Variants in ENTPD6 observed in about 807,000 individuals in gnomAD.
The protein encoded by ENTPD6 is CD39 antigen-like 2.
In ENTPD6, 46 loss-of-function variants were observed where a neutral mutation model predicts 61.5. The ratio of observed to expected loss-of-function variants is 0.75; its 90% CI spans 0.59 to 0.96. The LOEUF (loss-of-function observed/expected upper bound fraction) is 0.96, where lower values mean the gene tolerates loss of function less well. Among genes scored for constraint, ENTPD6 ranks in the 40% least tolerant of loss-of-function variants. The probability of loss-of-function intolerance (pLI) is 0.00; values close to 1 mark genes in which losing one functional copy is unlikely to be tolerated. For synonymous variants in ENTPD6, 252 were observed against 255.5 expected (o/e 0.99, Z 0.13); for missense variants, 612 against 629.0 (o/e 0.97, Z 0.29).
At chr20:25,209,048 C>T (rs2091742538) in intron 3 of ENTPD6, among the ~76,000 whole-genome samples, 1 of 151,764 alleles carries the variant, frequency 6.6e-6, no homozygotes, top group South Asian at 2.1e-4. Flanking sequence ...TCCTGAGTAG[C>T]TGGGACTACA....
chr20:25,206,958 G>T (rs1568611351), intron 2 of ENTPD6, 118 bp from the exon 3 acceptor site: 1 of 871,182 alleles, frequency 1.1e-6, no homozygotes, highest in East Asian at 2.5e-5. Flanking sequence ...CTGATTCCTG[G>T]GGGGAACACG....
At position 25,207,118 on chromosome 20, in the gene ENTPD6, T is replaced by C; in HGVS notation, c.97T>C (p.Ser33Pro). 6.2e-7 allele frequency: 1 copy of C among 1,613,480 alleles called. No homozygotes were observed. Among genetic ancestry groups the C allele is most frequent in the Non-Finnish European group, 8.5e-7 (1 of 1,179,606 alleles). The change falls in exon 3 of 15, where the codon TCC (serine) becomes CCC (proline). Residue 33 changes from serine (S) to proline (P), a missense_variant. Coordinates refer to ENST00000376652, the MANE Select transcript of ENTPD6 (RefSeq NM_001247.5). ...TTGGCAAACAAGGATGAGAAAAATA[T>C]CCAACCACGGGAGCCTGCGGGTGGC... ...GPWQTRMRKI[S>P]NHGSLRVAKV... is the part of the protein sequence containing the mutation.
intron 5 of ENTPD6, 110 bp downstream of exon 5, chr20:25,213,516 T>C: frequency 8.3e-7 from 1 of 1,201,368 alleles, no homozygotes; most frequent in South Asian, 1.6e-5. Context: ...CACAGATGCT[T>C]CTGAAGAAAA....
chr20:25,222,080 G>A (rs2092653183), intron 11 of ENTPD6: 1 of 153,398 alleles, frequency 6.5e-6, no homozygotes, highest in Non-Finnish European at 1.4e-5. Flanking sequence ...AAGACAGGAG[G>A]AGGTTTCAAG....
At chr20:25,222,682 G>A in intron 11 of ENTPD6, 156 bp from the exon 12 acceptor site, 1 of 936,524 alleles carries the variant, frequency 1.1e-6, no homozygotes, top group Non-Finnish European at 1.6e-6. Context: ...TGTGCGGGGA[G>A]CAGCCCCAAC....
chr20:25,206,641 C>G (rs551998495), intron 2 of ENTPD6, 51 bp downstream of exon 2: 1 of 1,348,350 alleles, frequency 7.4e-7, no homozygotes, highest in African/African-American at 1.4e-5. Context: ...TTAAACCTTT[C>G]GAAAAGTAAA....
chr20:25,215,382 G>C (rs1213922632), intron 6 of ENTPD6, among the ~76,000 whole-genome samples: 1 of 152,184 alleles, frequency 6.6e-6, no homozygotes, highest in Non-Finnish European at 1.5e-5. Context: ...GGGGAGCACT[G>C]GGTTCTTTTT....
intron 1 of ENTPD6, among the ~76,000 whole-genome samples, chr20:25,201,280 C>T (rs1043267597): frequency 6.6e-6 from 1 of 152,118 alleles, no homozygotes; most frequent in South Asian, 2.1e-4. Flanking sequence ...TCTGTAGTGT[C>T]GTTTGAGTCC....
chr20:25,210,130 T>A (rs1255769017), intron 4 of ENTPD6, among the ~76,000 whole-genome samples: 1 of 152,170 alleles, frequency 6.6e-6, no homozygotes, highest in Non-Finnish European at 1.5e-5. Context: ...CCCGGCCCCA[T>A]CCTCTGACTC....
chr20:25,206,043 A>G (rs564950361), intron 1 of ENTPD6, among the ~76,000 whole-genome samples: 9 of 152,348 alleles, frequency 5.9e-5, no homozygotes, highest in African/African-American at 2.2e-4. Flanking sequence ...TAAAGCCCGC[A>G]TGTGGCACGT....
chr20:25,196,141 T>C, intron 1 of ENTPD6: 1 of 1,219,326 alleles, frequency 8.2e-7, no homozygotes, highest in Non-Finnish European at 1.0e-6. Context: ...CCCTGCTGCG[T>C]TCATTCATTC....
chr20:25,211,734 C>G lies in ENTPD6; in HGVS notation c.454-1529C>G, dbSNP rs2091973903. Among the ~76,000 whole-genome samples, 3 of 152,212 alleles carry G rather than the reference C, an allele frequency of 2.0e-5. No homozygotes were observed. In the South Asian group the frequency reaches 6.2e-4, roughly 32 times the overall value. The stretch of plus-strand genomic sequence containing the variant: ...TTTAGATAATGTCCAATCTTTCTCT[C>G]TTGACAGTAGAAAAAGGCTGCACCT... On this transcript the variant is annotated intron_variant, in intron 4 of 14. Coordinates refer to ENST00000376652, the MANE Select transcript of ENTPD6 (RefSeq NM_001247.5).
chr20:25,214,640 A>T (rs1366237697), intron 5 of ENTPD6: 1 of 525,432 alleles, frequency 1.9e-6, no homozygotes, highest in East Asian at 3.4e-5. Flanking sequence ...GGGTTTCGTT[A>T]CTGCCTGCCA....
chr20:25,216,616 C>T (rs1159001425), intron 7 of ENTPD6, 32 bp from the exon 8 acceptor site: 5 of 1,531,142 alleles, frequency 3.3e-6, no homozygotes, highest in Admixed American at 1.9e-5. Context: ...CTTACTAATG[C>T]CCCTGTGCTG....
At chr20:25,215,769 A>G (rs2092278189) in intron 7 of ENTPD6, 58 bp downstream of exon 7, 2 of 1,563,284 alleles carry the variant, frequency 1.3e-6, no homozygotes, top group African/African-American at 2.7e-5. Flanking sequence ...GGAGGGCTCG[A>G]CTGGGCCTTT....
At chr20:25,206,245 G>T (rs1415149332) in intron 1 of ENTPD6, among the ~76,000 whole-genome samples, 1 of 152,196 alleles carries the variant, frequency 6.6e-6, no homozygotes, top group Non-Finnish European at 1.5e-5. Context: ...CCTAGGAGTG[G>T]CCACTCACCA....
At chr20:25,208,106 T>TC (rs1454536149) in intron 3 of ENTPD6, among the ~76,000 whole-genome samples, 2 of 152,204 alleles carry the variant, frequency 1.3e-5, no homozygotes, top group African/African-American at 4.8e-5. Flanking sequence ...CCCCTGGGTG[T>TC]CCCATGCTCT....
In ENTPD6 at chr20:25,195,819, C is replaced by T. The variant is rs1012956447; in HGVS notation, c.-64C>T. ...AAAAGACCGGCTGCCGCCTGCTCCC[C>T]GGAAAAGGGCACTCGTCTCCGTGGG... On this transcript the variant is annotated 5_prime_UTR_variant, in exon 1 of 15. Coordinates refer to ENST00000376652, the MANE Select transcript of ENTPD6 (RefSeq NM_001247.5). 3 of 1,240,110 alleles carry T rather than the reference C, an allele frequency of 2.4e-6. No individual in the cohort carries two copies. The highest frequency in any genetic ancestry group is 3.2e-5 in the East Asian group (1 of 31,732). 76.8% of individuals were successfully genotyped at this position (1,240,110 alleles called of 1,614,324 possible).
rs183687339 is a variant in ENTPD6 at position 25,208,633 on chromosome 20, G to A, written c.377-1216G>A. 9.8e-4 allele frequency among the ~76,000 whole-genome samples: 149 copies of A among 152,222 alleles called. 1 individual carries two copies. The highest frequency in any genetic ancestry group is 1.5e-3 in the Non-Finnish European group (104 of 68,018). ...TGATTTTTTCTGGTCCAGTCTTCGCGTCTGAATTTAGTATGCCTCCTTATT... is the reference window on the plus strand; with the variant it reads ...TGATTTTTTCTGGTCCAGTCTTCGCATCTGAATTTAGTATGCCTCCTTATT... On this transcript the variant is annotated intron_variant, in intron 3 of 14. Coordinates refer to ENST00000376652, the MANE Select transcript of ENTPD6 (RefSeq NM_001247.5).
Sources: allele counts gnomAD v4.1 joint callset (sites outside exome capture counted in the v4.1 genomes callset), GRCh38; gene constraint gnomAD v4.1.1; transcripts MANE v1.5; gene names NCBI Gene and HGNC (gene_info 2026-07-23, HGNC 2026-07-21).